Variants in VPS35 observed in about 807,000 individuals in gnomAD.
VPS35 encodes vacuolar protein sorting-associated protein 35.
VPS35 carries 21 observed loss-of-function variants against 98.1 expected under a neutral mutation model. The ratio of observed to expected loss-of-function variants is 0.21; its 90% CI spans 0.15 to 0.31. The LOEUF (loss-of-function observed/expected upper bound fraction) is 0.31, where lower values mean the gene tolerates loss of function less well. VPS35 is among the 10% of genes least tolerant of loss of function. VPS35 has a pLI of 1.00. For missense variants in VPS35, 554 were observed against 950.8 expected (o/e 0.58, Z 5.49); for synonymous variants, 268 against 318.2 (o/e 0.84, Z 1.68).
intron 13 of VPS35, among the ~76,000 whole-genome samples, chr16:46,665,296 T>G (rs1222336618): frequency 6.6e-6 from 1 of 152,214 alleles, no homozygotes; most frequent in Non-Finnish European, 1.5e-5. Flanking sequence ...CTTTTCATTT[T>G]TAAAAGATGG....
chr16:46,663,155 T>C lies in VPS35; in HGVS notation c.1655A>G (p.Lys552Arg). ...RYKENSKVDD[K>R]WEKKCQKIFS... ...AATCTTCTGGCATTTCTTTTCCCAT[T>C]TGTCATCCTAAAACAAGAAAAAACA... Residue 552 changes from lysine (K) to arginine (R), a missense_variant, in exon 14 of 17, where the codon AAA (lysine) becomes AGA (arginine). Lys to Arg is a conservative substitution (Grantham distance 26). Coordinates refer to ENST00000299138, the MANE Select transcript of VPS35 (RefSeq NM_018206.6). 3 of 1,613,806 alleles carry C rather than the reference T, an allele frequency of 1.9e-6. No homozygotes were observed. The highest frequency in any genetic ancestry group is 1.7e-6 in the Non-Finnish European group (2 of 1,179,802).
chr16:46,678,504 C>T lies in VPS35; in HGVS notation c.720+439G>A, dbSNP rs572064199. 4.6e-5 allele frequency among the ~76,000 whole-genome samples: 7 copies of T among 152,236 alleles called. No homozygotes were observed. The East Asian group carries it at 1.2e-3, about 25-fold the overall frequency. ...AGTTTGCCATTCCCTGTTTTATTCCCCTCCATTGATTTGTGTGTCTATCCT... is the reference window on the plus strand; with the variant it reads ...AGTTTGCCATTCCCTGTTTTATTCCTCTCCATTGATTTGTGTGTCTATCCT... On this transcript the variant is annotated intron_variant, in intron 6 of 16. Transcript: ENST00000299138.
intron 3 of VPS35, chr16:46,681,823 T>A (rs1966239521): frequency 3.7e-6 from 2 of 544,510 alleles, no homozygotes; most frequent in South Asian, 4.2e-5. Context: ...AACTGTGTCA[T>A]AGCCTAAATA....
At position 46,662,228 on chromosome 16, in the gene VPS35, C is replaced by A; in HGVS notation, c.2067+15G>T. Reference sequence around the variant, plus strand: ...TGGATCCTGTCTGCTATCATGCAGTCAGGAATGACCTTACCTCCTCCCCAT... The same window carrying A: ...TGGATCCTGTCTGCTATCATGCAGTAAGGAATGACCTTACCTCCTCCCCAT... On this transcript the variant is annotated intron_variant, in intron 15 of 16. Coordinates refer to ENST00000299138, the MANE Select transcript of VPS35 (RefSeq NM_018206.6). 6.2e-7 allele frequency: 1 copy of A among 1,614,058 alleles called. No homozygotes were observed. Among genetic ancestry groups the A allele is most frequent in the South Asian group, 1.1e-5 (1 of 91,010 alleles).
chr16:46,678,056 T>G (rs900772164), intron 6 of VPS35, among the ~76,000 whole-genome samples: 12 of 152,246 alleles, frequency 7.9e-5, no homozygotes, highest in South Asian at 4.1e-4. Flanking sequence ...CAAAAATAAC[T>G]GATCATAAAT....
At chr16:46,688,884 C>T in intron 1 of VPS35, 13 of 1,443,228 alleles carry the variant, frequency 9.0e-6, no homozygotes, top group Non-Finnish European at 1.2e-5. Context: ...GCCAAGTCAA[C>T]CCCACAGAGA....
Position 46,680,799 on chromosome 16 carries a change from C to T in VPS35, c.378G>A (p.Arg126=), listed in dbSNP as rs141444850. Residue 126 remains arginine, a synonymous_variant, in exon 5 of 17, where the codon AGG becomes AGA. Transcript: ENST00000299138. ...VVYVKSFPQS[R]KDILKDLVEM... is the part of the protein sequence containing the mutation. ...CTACCAAATCTTTCAAAATATCCTT[C>T]CTGGACTGAGGAAATGACTTGACAT... is the stretch of plus-strand genomic sequence containing the variant. 5.0e-6 allele frequency: 8 copies of T among 1,613,888 alleles called. No individual in the cohort carries two copies. The East Asian group carries it at 1.6e-4, about 31-fold the overall frequency.
At position 46,657,458 on chromosome 16, in the gene VPS35, G is replaced by T. The variant is rs1053821437; in HGVS notation, c.*3014C>A. ...TGTTTAAATCCCCTCAGTGCCTGTG[G>T]TGGTGCATTTATTCCTTGAGGTCTG... On this transcript the variant is annotated 3_prime_UTR_variant, in exon 17 of 17. Transcript: ENST00000299138. The T allele has an allele frequency of 6.6e-6, 1 of 152,314 alleles. No homozygotes were observed. The highest frequency in any genetic ancestry group is 3.4e-3 in the Middle Eastern group (1 of 294). 9.4% of individuals were successfully genotyped at this position (152,314 alleles called of 1,614,324 possible). A position where few individuals can be genotyped will look rare whatever the true frequency, so the allele number is the denominator to read the frequency against.
chr16:46,688,694 G>A (rs1966364456), intron 1 of VPS35: 2 of 1,106,940 alleles, frequency 1.8e-6, no homozygotes, highest in Non-Finnish European at 2.2e-6. Flanking sequence ...AGCACAACTA[G>A]GCACAAAGGT....
At chr16:46,677,084 C>T (rs978374213) in intron 7 of VPS35, among the ~76,000 whole-genome samples, 13 of 151,484 alleles carry the variant, frequency 8.6e-5, no homozygotes, top group Middle Eastern at 3.2e-3. Flanking sequence ...TTTATAGAAA[C>T]GGCATCGTGC....
intron 5 of VPS35, among the ~76,000 whole-genome samples, chr16:46,679,786 C>T (rs1444772840): frequency 6.6e-6 from 1 of 152,062 alleles, no homozygotes. Context: ...AAAACGGACA[C>T]TCAAAACATA....
At chr16:46,683,720 C>G (rs1288305627) in intron 1 of VPS35, 114 bp from the exon 2 acceptor site, 1 of 1,149,038 alleles carries the variant, frequency 8.7e-7, no homozygotes, top group Non-Finnish European at 1.3e-6. Context: ...ATACCTCAAA[C>G]CCATTTACCA....
chr16:46,660,649 T>C lies in VPS35; in HGVS notation c.2214A>G (p.Val738=). The C allele has an allele frequency of 6.2e-7, 1 of 1,613,330 alleles. No individual in the cohort carries two copies. The highest frequency in any genetic ancestry group is 8.5e-7 in the Non-Finnish European group (1 of 1,179,790). ...TAAGCTGGTTTAAAACCTGAATTGT[T>C]ACCTACAAAAGAATATGTACAAATT... ...IYFYEKENDA[V]TIQVLNQLIQ... Residue 738 remains valine, a splice_region_variant and synonymous_variant, in exon 17 of 17, where the codon GTA becomes GTG. Transcript: ENST00000299138.
intron 5 of VPS35, among the ~76,000 whole-genome samples, 179 bp from the exon 6 acceptor site, chr16:46,679,335 C>A (rs1007993492): frequency 5.3e-5 from 8 of 152,176 alleles, no homozygotes; most frequent in African/African-American, 9.7e-5. Context: ...GTAAAAAGTA[C>A]CATGGAGAGG....
chr16:46,657,801 C>T lies in VPS35; in HGVS notation c.*2671G>A. Reference sequence around the variant, plus strand: ...ATCTCTCATCCAGTCACAGCATCTTCCTAGATGTGTCCCCCCAAACTATCC... The same window carrying T: ...ATCTCTCATCCAGTCACAGCATCTTTCTAGATGTGTCCCCCCAAACTATCC... On this transcript the variant is annotated 3_prime_UTR_variant, in exon 17 of 17. Transcript: ENST00000299138. 1 of 152,328 alleles carries T rather than the reference C, an allele frequency of 6.6e-6. No individual in the cohort carries two copies. The highest frequency in any genetic ancestry group is 1.5e-5 in the Non-Finnish European group (1 of 68,100). The allele number at this position is 152,328 out of a possible 1,614,324, so 9.4% of individuals were successfully genotyped here. A position where few individuals can be genotyped will look rare whatever the true frequency, so the allele number is the denominator to read the frequency against.
chr16:46,662,851 T>C (rs1965933340), intron 14 of VPS35, 132 bp downstream of exon 14: 2 of 982,560 alleles, frequency 2.0e-6, no homozygotes, highest in South Asian at 1.4e-5. Context: ...ACAGGTTCCA[T>C]GATGGTGGGA....
chr16:46,688,833 T>C, intron 1 of VPS35: 1 of 1,392,736 alleles, frequency 7.2e-7, no homozygotes, highest in Non-Finnish European at 9.3e-7. Flanking sequence ...CGATTCCACT[T>C]AAAGGAGGCC....
rs550660542 is a variant in VPS35, at chr16:46,688,445, T to A, written c.3+686A>T. Reference sequence around the variant, plus strand: ...GTACTGCTTCCAGCAAGTCAAATACTTGGATTTTATCAATGGCGAGACAAA... The same window carrying A: ...GTACTGCTTCCAGCAAGTCAAATACATGGATTTTATCAATGGCGAGACAAA... On this transcript the variant is annotated intron_variant, in intron 1 of 16. Coordinates refer to ENST00000299138, the MANE Select transcript of VPS35 (RefSeq NM_018206.6). 9 of 987,150 alleles carry A rather than the reference T, an allele frequency of 9.1e-6. No individual in the cohort carries two copies. The South Asian group carries it at 4.2e-4, about 46-fold the overall frequency. 61.1% of individuals were successfully genotyped at this position (987,150 alleles called of 1,614,324 possible).
chr16:46,672,252 G>A lies in VPS35; in HGVS notation c.1368+13C>T, dbSNP rs377066996. On this transcript the variant is annotated intron_variant, in intron 11 of 16. Coordinates refer to ENST00000299138, the MANE Select transcript of VPS35 (RefSeq NM_018206.6). The stretch of plus-strand genomic sequence containing the variant: ...CACTGTTTCCCTAAAATAGCACGTA[G>A]GTATTCTCTTACCTGGTCTTGAGAG... 13 of 1,609,332 alleles carry A rather than the reference G, an allele frequency of 8.1e-6. No homozygotes were observed. The highest frequency in any genetic ancestry group is 1.1e-5 in the Non-Finnish European group (13 of 1,176,398).
Sources: gnomAD v4.1 joint callset for allele counts (sites outside exome capture counted in the v4.1 genomes callset) on GRCh38, gnomAD v4.1.1 for gene constraint, MANE v1.5 for transcripts, NCBI Gene and HGNC (gene_info 2026-07-23, HGNC 2026-07-21) for gene names.